Variants in RORA observed in about 807,000 individuals in gnomAD.
RORA encodes nuclear receptor ROR-alpha.
In RORA, 7 loss-of-function variants were observed where a neutral mutation model predicts 69.5. The ratio of observed to expected loss-of-function variants is 0.10; its 90% CI spans 0.06 to 0.19. The LOEUF is 0.19. Ranked by LOEUF, RORA falls within the 10% of genes least tolerant of loss-of-function variation. The pLI is 1.00. For synonymous variants in RORA, 261 were observed against 240.8 expected (o/e 1.08, Z -0.78); for missense variants, 457 against 663.0 (o/e 0.69, Z 3.41).
chr15:60,587,557 G>A (rs1408651373), intron 2 of RORA, among the ~76,000 whole-genome samples: 1 of 152,154 alleles, frequency 6.6e-6, no homozygotes, highest in Admixed American at 6.5e-5. Flanking sequence ...AGTCACTGAT[G>A]GGACTATCAG....
At chr15:60,963,380 T>G (rs141137773) in intron 1 of RORA, among the ~76,000 whole-genome samples, 1 of 152,292 alleles carries the variant, frequency 6.6e-6, no homozygotes, top group Non-Finnish European at 1.5e-5. Flanking sequence ...TAGGCCTGAA[T>G]AGCAGAGATG....
intron 1 of RORA, among the ~76,000 whole-genome samples, chr15:60,993,727 C>G (rs889865263): frequency 1.3e-5 from 2 of 148,744 alleles, no homozygotes; most frequent in Admixed American, 1.3e-4. Flanking sequence ...GCATTTAATT[C>G]TCATTCAACC....
intron 1 of RORA, among the ~76,000 whole-genome samples, chr15:61,057,021 C>T (rs59689115): frequency 0.1 from 15,193 of 152,244 alleles, 950 homozygotes; most frequent in Admixed American, 0.17. Flanking sequence ...CTTTCACATT[C>T]AATGTGAAAC....
chr15:60,624,930 A>G (rs2069533714), intron 2 of RORA, among the ~76,000 whole-genome samples: 1 of 152,118 alleles, frequency 6.6e-6, no homozygotes, highest in Non-Finnish European at 1.5e-5. Flanking sequence ...TTAACCAAGA[A>G]ATGGGCCCTG....
chr15:61,154,249 A>AC (rs1380794477), intron 1 of RORA, among the ~76,000 whole-genome samples: 4 of 152,110 alleles, frequency 2.6e-5, no homozygotes, highest in African/African-American at 9.7e-5. Flanking sequence ...TGTGGGATGA[A>AC]AAGGGGTACA....
At chr15:60,520,697 A>G (rs187348509) in intron 3 of RORA, among the ~76,000 whole-genome samples, 124 of 152,240 alleles carry the variant, frequency 8.1e-4, no homozygotes, top group Middle Eastern at 6.8e-3. Context: ...AAACTAGGGC[A>G]TGGAGTTTTG....
intron 1 of RORA, among the ~76,000 whole-genome samples, chr15:61,195,259 G>C (rs890238266): frequency 6.6e-6 from 1 of 152,022 alleles, no homozygotes; most frequent in African/African-American, 2.4e-5. Flanking sequence ...CCAAGCTCGT[G>C]AAAGTTATGC....
chr15:60,832,943 C>G (rs143221242), intron 1 of RORA, among the ~76,000 whole-genome samples: 2 of 151,820 alleles, frequency 1.3e-5, no homozygotes, highest in East Asian at 1.9e-4. Flanking sequence ...CTCACTGTGT[C>G]GCCCAGGCTG....
intron 1 of RORA, among the ~76,000 whole-genome samples, chr15:61,106,621 C>A (rs1377574103): frequency 6.6e-6 from 1 of 152,170 alleles, no homozygotes; most frequent in Non-Finnish European, 1.5e-5. Context: ...CCCATCTATA[C>A]TTCTCAAACA....
intron 1 of RORA, among the ~76,000 whole-genome samples, chr15:60,958,793 C>T (rs758911915): frequency 1.3e-5 from 2 of 152,128 alleles, no homozygotes; most frequent in African/African-American, 2.4e-5. Flanking sequence ...GGAATGTGTC[C>T]TGTGGGAAGA....
chr15:61,160,783 G>A (rs2079488176), intron 1 of RORA, among the ~76,000 whole-genome samples: 2 of 152,182 alleles, frequency 1.3e-5, no homozygotes, highest in Non-Finnish European at 2.9e-5. Flanking sequence ...GAAGAGAGCT[G>A]TCTTCACAAA....
intron 1 of RORA, among the ~76,000 whole-genome samples, chr15:61,028,200 T>A (rs1461741684): frequency 6.6e-6 from 1 of 152,220 alleles, no homozygotes; most frequent in Non-Finnish European, 1.5e-5. Context: ...TTCTACATTT[T>A]TGCAACTTAA....
chr15:60,803,088 A>C (rs2072610562), intron 1 of RORA, among the ~76,000 whole-genome samples: 1 of 152,330 alleles, frequency 6.6e-6, no homozygotes, highest in South Asian at 2.1e-4. Context: ...TTACATTTAA[A>C]TATTTCTTTC....
chr15:61,126,051 C>T (rs796711), intron 1 of RORA, among the ~76,000 whole-genome samples: 142,609 of 152,216 alleles, frequency 0.94, 67,408 homozygotes, highest in East Asian at 1. Flanking sequence ...GTGTAAGGAG[C>T]AATGGGAAGA....
At chr15:60,657,988 C>A (rs899069065) in intron 2 of RORA, among the ~76,000 whole-genome samples, 2 of 152,154 alleles carry the variant, frequency 1.3e-5, no homozygotes, top group Non-Finnish European at 2.9e-5. Context: ...TTAGATGGTG[C>A]ATTCGTGGCC....
At chr15:60,930,188 C>A (rs1892335317) in intron 1 of RORA, among the ~76,000 whole-genome samples, 1 of 152,170 alleles carries the variant, frequency 6.6e-6, no homozygotes, top group Non-Finnish European at 1.5e-5. Context: ...CATCATTCTG[C>A]ATAGTAGATA....
intron 1 of RORA, among the ~76,000 whole-genome samples, chr15:61,103,256 C>T (rs970916668): frequency 6.6e-6 from 1 of 152,134 alleles, no homozygotes; most frequent in Non-Finnish European, 1.5e-5. Flanking sequence ...TGAGCATCAG[C>T]AGGCTGCTTT....
chr15:61,215,173 G>A (rs534240738), intron 1 of RORA, among the ~76,000 whole-genome samples: 49 of 151,198 alleles, frequency 3.2e-4, no homozygotes, highest in South Asian at 1.1e-3. Context: ...GTGAGCCACC[G>A]CGCCTGGCCC....
intron 2 of RORA, among the ~76,000 whole-genome samples, chr15:60,538,768 TAACATAATA>T (rs1351318910): frequency 6.6e-6 from 1 of 152,092 alleles, no homozygotes; most frequent in Non-Finnish European, 1.5e-5. Flanking sequence ...TCCCACTTGT[TAACATAATA>T]AACATATATG....
Sources: gnomAD v4.1 joint callset for allele counts (sites outside exome capture counted in the v4.1 genomes callset) on GRCh38, gnomAD v4.1.1 for gene constraint, MANE v1.5 for transcripts, NCBI Gene and HGNC (gene_info 2026-07-23, HGNC 2026-07-21) for gene names.